Variants in CTNNA3 observed in about 807,000 individuals in gnomAD.
The protein encoded by CTNNA3 is catenin alpha 3.
In CTNNA3, 76 loss-of-function variants were observed where a neutral mutation model predicts 95.7. The observed-to-expected ratio is 0.79, with a 90% CI of 0.66 to 0.96. The LOEUF (loss-of-function observed/expected upper bound fraction) is 0.96, where lower values mean the gene tolerates loss of function less well. Ranked by LOEUF, CTNNA3 falls within the 40% of genes least tolerant of loss-of-function variation. The pLI is 0.00. For missense variants in CTNNA3, 1,191 were observed against 1,089.8 expected (o/e 1.09, Z -1.31); for synonymous variants, 431 against 374.4 (o/e 1.15, Z -1.74).
chr10:67,656,411 G>A (rs368474633), intron 1 of CTNNA3, among the ~76,000 whole-genome samples: 8 of 152,228 alleles, frequency 5.3e-5, no homozygotes, highest in South Asian at 4.2e-4. Context: ...GAGATCAGAC[G>A]TATCCCTAGA....
chr10:67,495,840 T>C (rs1254825405), intron 5 of CTNNA3, among the ~76,000 whole-genome samples: 1 of 152,228 alleles, frequency 6.6e-6, no homozygotes, highest in Non-Finnish European at 1.5e-5. Context: ...TCCCATTATA[T>C]GATTATTGTA....
Position 66,203,237 on chromosome 10 carries a change from G to A in CTNNA3, c.1884+77233C>T, listed in dbSNP as rs1211915849. Among the ~76,000 whole-genome samples the A allele has an allele frequency of 2.0e-5, 3 of 152,130 alleles. No homozygotes were observed. In the East Asian group the frequency reaches 5.8e-4, roughly 29 times the overall value. ...GGGGAAATCATTAATGACGTTAGAT[G>A]AATCAGTAAAGAATCCAAGTCAATC... is the stretch of plus-strand genomic sequence containing the variant. On this transcript the variant is annotated intron_variant, in intron 13 of 17. Coordinates refer to ENST00000433211, the MANE Select transcript of CTNNA3 (RefSeq NM_013266.4).
At chr10:66,300,114 G>A (rs899372151) in intron 12 of CTNNA3, among the ~76,000 whole-genome samples, 11 of 151,804 alleles carry the variant, frequency 7.2e-5, no homozygotes, top group Non-Finnish European at 1.0e-4. Flanking sequence ...GGCTGGTCTT[G>A]AACTCCTGAC....
In CTNNA3 at chr10:66,596,282, G is replaced by A. The variant is rs185354212; in HGVS notation, c.1374+25410C>T. ...CCCATGACCCCTGTGGACTCCCCCA[G>A]CTAACTGATATGTATTCCCAGGATT... On this transcript the variant is annotated intron_variant, in intron 10 of 17. Transcript: ENST00000433211. Among the ~76,000 whole-genome samples, 269 of 152,154 alleles carry A rather than the reference G, an allele frequency of 1.8e-3. 1 individual carries two copies. Among genetic ancestry groups the A allele is most frequent in the African/African-American group, 5.9e-3 (243 of 41,536 alleles).
chr10:66,149,757 G>A (rs1589559639), intron 13 of CTNNA3, among the ~76,000 whole-genome samples: 1 of 147,442 alleles, frequency 6.8e-6, no homozygotes, highest in East Asian at 2.0e-4. Flanking sequence ...TAAAATTACA[G>A]TTCTTTATAA....
At chr10:66,767,756 A>G (rs1839927593) in intron 8 of CTNNA3, among the ~76,000 whole-genome samples, 1 of 152,230 alleles carries the variant, frequency 6.6e-6, no homozygotes, top group South Asian at 2.1e-4. Flanking sequence ...TATAATGATC[A>G]TAGAATAATA....
chr10:67,622,930 A>C (rs1442960056), intron 2 of CTNNA3, among the ~76,000 whole-genome samples: 1 of 152,252 alleles, frequency 6.6e-6, no homozygotes, highest in Non-Finnish European at 1.5e-5. Context: ...TAAGCCTATT[A>C]GTATTTAAAA....
At chr10:66,063,260 A>G (rs2080245383) in intron 15 of CTNNA3, among the ~76,000 whole-genome samples, 2 of 148,366 alleles carry the variant, frequency 1.3e-5, no homozygotes, top group African/African-American at 4.9e-5. Flanking sequence ...AGATCTATAT[A>G]TAGATTTATA....
At chr10:66,549,237 G>C (rs1386478763) in intron 10 of CTNNA3, among the ~76,000 whole-genome samples, 1 of 151,742 alleles carries the variant, frequency 6.6e-6, no homozygotes, top group African/African-American at 2.4e-5. Context: ...CTCGTGATCT[G>C]CCCGCCTCTG....
At chr10:66,826,644 T>C (rs1489827732) in intron 7 of CTNNA3, among the ~76,000 whole-genome samples, 3 of 152,176 alleles carry the variant, frequency 2.0e-5, no homozygotes, top group East Asian at 3.9e-4. Flanking sequence ...ACTTGAGAAA[T>C]AGTATGAGTA....
intron 5 of CTNNA3, among the ~76,000 whole-genome samples, chr10:67,448,332 C>T (rs899184349): frequency 6.6e-6 from 1 of 152,082 alleles, no homozygotes; most frequent in Non-Finnish European, 1.5e-5. Flanking sequence ...AATCAAAACT[C>T]CAATGCAATT....
At chr10:66,078,852 G>C (rs1236081997) in intron 14 of CTNNA3, 1 of 151,744 alleles carries the variant, frequency 6.6e-6, no homozygotes, top group Non-Finnish European at 1.5e-5. Context: ...ATCAAACAAT[G>C]CTCTCTAAAA....
At chr10:67,323,502 C>T (rs201853779) in intron 5 of CTNNA3, among the ~76,000 whole-genome samples, 1 of 152,082 alleles carries the variant, frequency 6.6e-6, no homozygotes, top group East Asian at 1.9e-4. Flanking sequence ...TTTTTGTCAG[C>T]TTTGTTGAAG....
chr10:67,722,299 G>C (rs1279855547), intron 1 of CTNNA3, among the ~76,000 whole-genome samples: 11 of 152,078 alleles, frequency 7.2e-5, no homozygotes, highest in Admixed American at 7.2e-4. Context: ...AGATCAAAGG[G>C]GTTAGGAGAG....
At chr10:66,871,080 G>GTGTT (rs538933929) in intron 7 of CTNNA3, among the ~76,000 whole-genome samples, 5 of 152,124 alleles carry the variant, frequency 3.3e-5, no homozygotes, top group South Asian at 4.2e-4. Context: ...TTTTGTTCAT[G>GTGTT]TGTTTGTTTG....
At chr10:65,973,456 G>A (rs1486156645) in intron 16 of CTNNA3, among the ~76,000 whole-genome samples, 4 of 152,112 alleles carry the variant, frequency 2.6e-5, no homozygotes, top group African/African-American at 9.7e-5. Flanking sequence ...ATCTAACATA[G>A]TTTTACTATC....
chr10:67,153,978 G>A lies in CTNNA3; in HGVS notation c.1047+26339C>T, dbSNP rs764003934. 3.3e-5 allele frequency among the ~76,000 whole-genome samples: 5 copies of A among 151,692 alleles called. No individual in the cohort carries two copies. The East Asian group carries it at 7.8e-4, about 24-fold the overall frequency. ...TTTTATTTTGTCAACCACCTTTAAG[G>A]GAGAAAGGTAATTTCTTATAAAATA... On this transcript the variant is annotated intron_variant, in intron 7 of 17. Transcript: ENST00000433211.
chr10:66,524,598 T>C (rs1841185030), intron 10 of CTNNA3, among the ~76,000 whole-genome samples: 1 of 152,156 alleles, frequency 6.6e-6, no homozygotes, highest in Admixed American at 6.5e-5. Context: ...AAATCATTAG[T>C]TAGCAGTCAA....
chr10:66,419,461 A>AC (rs2093173627), intron 11 of CTNNA3, among the ~76,000 whole-genome samples: 1 of 152,058 alleles, frequency 6.6e-6, no homozygotes, highest in Non-Finnish European at 1.5e-5. Flanking sequence ...AAAGGACCAT[A>AC]CTCCATAAAC....
Sources: gnomAD v4.1 joint callset for allele counts (sites outside exome capture counted in the v4.1 genomes callset) on GRCh38, gnomAD v4.1.1 for gene constraint, MANE v1.5 for transcripts, NCBI Gene and HGNC (gene_info 2026-07-23, HGNC 2026-07-21) for gene names.